Variants in GRIA1 observed in about 807,000 individuals in gnomAD.
The protein encoded by GRIA1 is glutamate ionotropic receptor AMPA type subunit 1.
Under a neutral mutation model 99.2 loss-of-function variants are expected in GRIA1, and 31 were observed. The observed-to-expected ratio is 0.31, with a 90% CI of 0.23 to 0.42. The LOEUF is 0.42. Ranked by LOEUF, GRIA1 falls within the 10% of genes least tolerant of loss-of-function variation. The probability of loss-of-function intolerance (pLI) is 1.00; values close to 1 mark genes in which losing one functional copy is unlikely to be tolerated. For missense variants in GRIA1, 782 were observed against 1,157.5 expected, an observed-to-expected ratio of 0.68 and a Z score of 4.71; for synonymous variants, 438 against 432.4, an observed-to-expected ratio of 1.01 and a Z score of -0.16.
At chr5:153,752,471 T>C (rs963575858) in intron 11 of GRIA1, among the ~76,000 whole-genome samples, 2 of 152,224 alleles carry the variant, frequency 1.3e-5, no homozygotes, top group Non-Finnish European at 2.9e-5. Flanking sequence ...AAGATGATGA[T>C]GATGGCTTAA....
rs1043309240 is a variant in GRIA1, at chr5:153,707,287, GA to G, written c.1823+1228del. 9.9e-5 allele frequency among the ~76,000 whole-genome samples: 15 copies of G among 151,856 alleles called. No individual in the cohort carries two copies. In the South Asian group the frequency reaches 1.0e-3, roughly 11 times the overall value. On this transcript the variant is annotated intron_variant, in intron 11 of 15. Transcript: ENST00000285900. ...GACTTGTGAACACAATTTATTTTGG[GA>G]AAAAAAAGTGACTGAAGCTAAGAAA... is the stretch of plus-strand genomic sequence containing the variant.
chr5:153,713,123 G>T (rs186879255), intron 11 of GRIA1, among the ~76,000 whole-genome samples: 1 of 152,152 alleles, frequency 6.6e-6, no homozygotes, highest in Non-Finnish European at 1.5e-5. Context: ...TGGAGCCCAG[G>T]GTCCGCCAGC....
chr5:153,749,350 A>C (rs1762363842), intron 11 of GRIA1, among the ~76,000 whole-genome samples: 1 of 152,136 alleles, frequency 6.6e-6, no homozygotes, highest in Non-Finnish European at 1.5e-5. Context: ...TGTTGCTATA[A>C]AGGCTTACCC....
intron 11 of GRIA1, among the ~76,000 whole-genome samples, chr5:153,714,642 G>T (rs904554071): frequency 6.6e-6 from 1 of 152,196 alleles, no homozygotes; most frequent in Non-Finnish European, 1.5e-5. Flanking sequence ...CACCTGCAAA[G>T]AAGTATTGAG....
intron 2 of GRIA1, among the ~76,000 whole-genome samples, chr5:153,617,453 A>C (rs1466639233): frequency 1.3e-5 from 2 of 152,190 alleles, no homozygotes; most frequent in African/African-American, 4.8e-5. Context: ...GTCATCAGCC[A>C]TCTTGTTTAT....
intron 2 of GRIA1, among the ~76,000 whole-genome samples, chr5:153,621,691 T>A (rs181910288): frequency 6.6e-6 from 1 of 152,112 alleles, no homozygotes; most frequent in Non-Finnish European, 1.5e-5. Context: ...AAGCACTTTT[T>A]AAAAGAATCA....
intron 4 of GRIA1, 137 bp downstream of exon 4, chr5:153,650,651 A>C: frequency 4.1e-5 from 30 of 730,534 alleles, no homozygotes; most frequent in East Asian, 5.6e-5. Context: ...CCTCTATCTC[A>C]TTTTCTATAA....
At chr5:153,592,152 G>T (rs1251392828) in intron 2 of GRIA1, among the ~76,000 whole-genome samples, 1 of 152,216 alleles carries the variant, frequency 6.6e-6, no homozygotes, top group Non-Finnish European at 1.5e-5. Flanking sequence ...GATGATTTTA[G>T]AAGTTGGTTC....
At chr5:153,542,226 A>G (rs1052147371) in intron 2 of GRIA1, among the ~76,000 whole-genome samples, 6 of 152,152 alleles carry the variant, frequency 3.9e-5, no homozygotes, top group African/African-American at 1.4e-4. Context: ...AGGATATCCA[A>G]AGACAAACTC....
chr5:153,738,706 C>T (rs1469741958), intron 11 of GRIA1, among the ~76,000 whole-genome samples: 7 of 139,044 alleles, frequency 5.0e-5, no homozygotes, highest in Non-Finnish European at 9.3e-5. Flanking sequence ...GTTGCGTGTT[C>T]ATCTCCATAC....
intron 5 of GRIA1, 143 bp from the exon 6 acceptor site, chr5:153,674,357 C>T: frequency 1.1e-6 from 1 of 898,818 alleles, no homozygotes; most frequent in Non-Finnish European, 1.8e-6. Flanking sequence ...TAATCAAGTT[C>T]AAAGGAAAGG....
chr5:153,739,224 G>T (rs1026497699), intron 11 of GRIA1, among the ~76,000 whole-genome samples: 4 of 151,970 alleles, frequency 2.6e-5, no homozygotes, highest in African/African-American at 7.3e-5. Flanking sequence ...GGATCTCATT[G>T]TATCACCTCT....
chr5:153,734,162 T>C (rs1177790567), intron 11 of GRIA1, among the ~76,000 whole-genome samples: 1 of 152,242 alleles, frequency 6.6e-6, no homozygotes, highest in African/African-American at 2.4e-5. Context: ...AAGTTACTTA[T>C]GTTGTTATTC....
rs114573024 is a variant in GRIA1 at position 153,630,959 on chromosome 5, G to A, written c.221-15969G>A. Among the ~76,000 whole-genome samples the A allele has an allele frequency of 5.3e-3, 812 of 152,262 alleles. 9 individuals are homozygous for A. Among genetic ancestry groups the A allele is most frequent in the African/African-American group, 0.018 (741 of 41,552 alleles). On this transcript the variant is annotated intron_variant, in intron 2 of 15. Coordinates refer to ENST00000285900, the MANE Select transcript of GRIA1 (RefSeq NM_000827.4). The stretch of plus-strand genomic sequence containing the variant: ...AGTCCTGTTAATGGTAACGCCATTT[G>A]GATCTGGAAATAACTGTGTTTGCAT...
At chr5:153,550,033 A>C (rs762424112) in intron 2 of GRIA1, among the ~76,000 whole-genome samples, 17 of 152,174 alleles carry the variant, frequency 1.1e-4, no homozygotes, top group Non-Finnish European at 2.5e-4. Context: ...AAATAGAGAC[A>C]AAAATATGTT....
chr5:153,530,664 G>A (rs1758010848), intron 2 of GRIA1, among the ~76,000 whole-genome samples: 1 of 152,186 alleles, frequency 6.6e-6, no homozygotes, highest in Non-Finnish European at 1.5e-5. Flanking sequence ...CAACAGTTGG[G>A]CCTGGGTGTT....
At chr5:153,719,953 G>A (rs537510045) in intron 11 of GRIA1, among the ~76,000 whole-genome samples, 1 of 152,258 alleles carries the variant, frequency 6.6e-6, no homozygotes, top group African/African-American at 2.4e-5. Context: ...TCCAAGTAGA[G>A]GACTATATGG....
chr5:153,748,929 C>A (rs1762331146), intron 11 of GRIA1, among the ~76,000 whole-genome samples: 1 of 152,078 alleles, frequency 6.6e-6, no homozygotes, highest in East Asian at 1.9e-4. Flanking sequence ...GGATAGAGAT[C>A]TAAATTGGGG....
chr5:153,513,060 C>T (rs1288243551), intron 2 of GRIA1, among the ~76,000 whole-genome samples: 1 of 152,160 alleles, frequency 6.6e-6, no homozygotes. Flanking sequence ...CTCGCACTTC[C>T]AGTTTCCAGA....
Sources: allele counts gnomAD v4.1 joint callset (sites outside exome capture counted in the v4.1 genomes callset), GRCh38; gene constraint gnomAD v4.1.1; transcripts MANE v1.5; gene names NCBI Gene and HGNC (gene_info 2026-07-23, HGNC 2026-07-21).